LRRC8E: variants seen among roughly 807,000 people sequenced by gnomAD.
LRRC8E encodes the protein volume-regulated anion channel subunit LRRC8E.
In LRRC8E, 6 loss-of-function variants were observed where a neutral mutation model predicts 6.1. The observed-to-expected ratio is 0.98, with a 90% CI of 0.54 to 1.93. The LOEUF (loss-of-function observed/expected upper bound fraction) is 1.93. LRRC8E is among the 30% of genes most tolerant of loss of function. The probability of loss-of-function intolerance (pLI) is 0.01; values close to 1 mark genes in which losing one functional copy is unlikely to be tolerated. For synonymous variants in LRRC8E, 485 were observed against 472.8 expected, an observed-to-expected ratio of 1.03 and a Z score of -0.33; for missense variants, 1,028 against 1,031.4, an observed-to-expected ratio of 1.00 and a Z score of 0.04.
intron 2 of LRRC8E, among the ~76,000 whole-genome samples, chr19:7,898,008 G>C (rs188770128): frequency 1.3e-5 from 2 of 152,008 alleles, no homozygotes; most frequent in South Asian, 4.2e-4. Context: ...CCAGGAGTTC[G>C]AGAGCAGCCT....
Position 7,900,257 on chromosome 19 carries a change from A to G in LRRC8E, c.1735A>G (p.Lys579Glu). The G allele has an allele frequency of 6.2e-7, 1 of 1,613,336 alleles. No homozygotes were observed. Residue 579 changes from lysine (K) to glutamate (E), a missense_variant, in exon 3 of 3, where the codon AAG becomes GAG. By Grantham distance (56) the Lys-to-Glu change is moderately conservative (BLOSUM62 1). Coordinates refer to ENST00000306708, the MANE Select transcript of LRRC8E (RefSeq NM_025061.6). The surrounding 1 kb of genome is among the most constrained non-coding windows in gnomAD (Gnocchi z 5.0). ...CCGTCTGGTTGCCCTGAACAGCCTC[A>G]AGAAGCTGGCGGCATTGCGGGAGCT... Reference protein sequence around the residue: ...GARLVALNSLKKLAALRELEL... With the variant: ...GARLVALNSLEKLAALRELEL...
At chr19:7,889,929 T>G (rs1981217795) in intron 1 of LRRC8E, among the ~76,000 whole-genome samples, 1 of 151,918 alleles carries the variant, frequency 6.6e-6, no homozygotes, top group Non-Finnish European at 1.5e-5. Flanking sequence ...TTTGTATTTT[T>G]AGAGATGGGG....
rs201249805 is a variant in LRRC8E, at chr19:7,899,117, G to A, written c.595G>A (p.Gly199Arg). 5 of 1,613,284 alleles carry A rather than the reference G, an allele frequency of 3.1e-6. No individual in the cohort carries two copies. In the African/African-American group the frequency reaches 5.3e-5, roughly 17 times the overall value. The change falls in exon 3 of 3, where the codon GGG becomes AGG. Residue 199 changes from glycine to arginine, a missense_variant. By Grantham distance (125) the Gly-to-Arg change is moderately radical (BLOSUM62 -2). Coordinates refer to ENST00000306708, the MANE Select transcript of LRRC8E (RefSeq NM_025061.6). ...GGCAGGGACCGGGCCGGGGAAGGCA[G>A]GGGAGGGTGAGAAGGAGAAAGTGCT... ...AMAGTGPGKA[G>R]EGEKEKVLAE...
At position 7,895,042 on chromosome 19, in the gene LRRC8E, C is replaced by G. The variant is rs1299368678; in HGVS notation, c.-5-557C>G. On this transcript the variant is annotated intron_variant, in intron 1 of 2. Transcript: ENST00000306708. This position sits in a 1 kb window ranked among gnomAD's most constrained non-coding sequence, Gnocchi z 4.7. ...GCCCCTGGGGCCCTAGTAACCAGAG[C>G]CAGGCTCCAGCCGGCTTTTCCGGTT... 1.3e-5 allele frequency: 2 copies of G among 152,918 alleles called. No individual in the cohort carries two copies. The highest frequency in any genetic ancestry group is 4.8e-5 in the African/African-American group (2 of 41,478). The allele number at this position is 152,918 out of a possible 1,614,324, so 9.5% of individuals were successfully genotyped here.
Position 7,898,782 on chromosome 19 carries a change from T to G in LRRC8E, c.260T>G (p.Val87Gly), listed in dbSNP as rs779400908. 1 of 1,613,946 alleles carries G rather than the reference T, an allele frequency of 6.2e-7. No individual in the cohort carries two copies. The highest frequency in any genetic ancestry group is 1.7e-5 in the Admixed American group (1 of 59,996). Reference protein sequence around the residue: ...IPEQIGALQEVKGLKNNLDLQ... With the variant: ...IPEQIGALQEGKGLKNNLDLQ... ...GAGCAGATTGGGGCCCTGCAGGAGG[T>G]TAAAGGCCTTAAGAACAATTTGGAC... The change falls in exon 3 of 3, where the codon GTT becomes GGT. Residue 87 changes from valine (V) to glycine (G), a missense_variant. By Grantham distance (109) the Val-to-Gly change is moderately radical. Coordinates refer to ENST00000306708, the MANE Select transcript of LRRC8E (RefSeq NM_025061.6).
In LRRC8E at chr19:7,899,543, G is replaced by C. The variant is rs112674328; in HGVS notation, c.1021G>C (p.Glu341Gln). 1 of 1,613,794 alleles carries C rather than the reference G, an allele frequency of 6.2e-7. No homozygotes were observed. The highest frequency in any genetic ancestry group is 1.3e-5 in the African/African-American group (1 of 74,928). Residue 341 changes from glutamate (E) to glutamine (Q), a missense_variant, in exon 3 of 3, where the codon GAG (glutamate) becomes CAG (glutamine). Physicochemically the swap from Glu to Gln is conservative, Grantham distance 29. Transcript: ENST00000306708. ...CTGGCTCTTCCACCGGCCCCTCAAG[G>C]AGTACTCCTTCCGTTCCGTGCGGGA... ...LYWLFHRPLK[E>Q]YSFRSVREET... is the part of the protein sequence containing the mutation.
At position 7,900,851 on chromosome 19, in the gene LRRC8E, G is replaced by T; in HGVS notation, c.2329G>T (p.Val777Leu). ...CGGLKKAGLL[V>L]EDTLYQGLPA... is the part of the protein sequence containing the mutation. ...GGGGCTCAAGAAGGCGGGGCTCCTG[G>T]TGGAAGACACGCTTTACCAGGGTCT... The change falls in exon 3 of 3, where the codon GTG becomes TTG. Residue 777 changes from valine to leucine, a missense_variant. By Grantham distance (32) the Val-to-Leu change is conservative. Coordinates refer to ENST00000306708, the MANE Select transcript of LRRC8E (RefSeq NM_025061.6). The surrounding 1 kb of genome is among the most constrained non-coding windows in gnomAD (Gnocchi z 5.0). 6.4e-7 allele frequency: 1 copy of T among 1,557,492 alleles called. No individual in the cohort carries two copies. The highest frequency in any genetic ancestry group is 1.4e-5 in the African/African-American group (1 of 72,992).
In LRRC8E at chr19:7,900,157, C is replaced by T. The variant is rs139771650; in HGVS notation, c.1635C>T (p.Asn545=). ...TCAAGGTGTTGTCCCTCCGGAGCAA[C>T]GCCGGGAAGGTGCCAGCCAGTGTGA... ...KQLKVLSLRS[N]AGKVPASVTD... is the part of the protein sequence containing the mutation. The change falls in exon 3 of 3, where the codon AAC becomes AAT. Residue 545 remains asparagine (N), a synonymous_variant. Coordinates refer to ENST00000306708, the MANE Select transcript of LRRC8E (RefSeq NM_025061.6). This position sits in a 1 kb window ranked among gnomAD's most constrained non-coding sequence, Gnocchi z 5.0. 34 of 1,612,890 alleles carry T rather than the reference C, an allele frequency of 2.1e-5. No homozygotes were observed. Among genetic ancestry groups the T allele is most frequent in the South Asian group, 4.4e-5 (4 of 91,080 alleles).
intron 1 of LRRC8E, among the ~76,000 whole-genome samples, chr19:7,894,840 A>G (rs1981493434): frequency 6.6e-6 from 1 of 152,220 alleles, no homozygotes; most frequent in South Asian, 2.1e-4. Context: ...TCACCTGACA[A>G]CTTTCCATTT....
At chr19:7,892,596 C>G (rs483808) in intron 1 of LRRC8E, among the ~76,000 whole-genome samples, 5 of 151,986 alleles carry the variant, frequency 3.3e-5, no homozygotes, top group Non-Finnish European at 7.4e-5. Flanking sequence ...CAAAACAGGA[C>G]GTGAGGGTCC....
Position 7,898,919 on chromosome 19 carries a change from A to C in LRRC8E, c.397A>C (p.Thr133Pro). The change falls in exon 3 of 3, where the codon ACC becomes CCC. Residue 133 changes from threonine (T) to proline (P), a missense_variant. By Grantham distance (38) the Thr-to-Pro change is conservative. Transcript: ENST00000306708. ...VIHTLIFMVC[T>P]SFWFKFPGTS... is the part of the protein sequence containing the mutation. ...TCACACACTCATCTTCATGGTCTGC[A>C]CCAGTTTCTGGTTCAAGTTCCCTGG... 2.5e-6 allele frequency: 4 copies of C among 1,614,164 alleles called. 1 individual carries two copies. The highest frequency in any genetic ancestry group is 3.3e-4 in the Middle Eastern group (2 of 6,062).
In LRRC8E at chr19:7,899,761, C is replaced by T. The variant is rs903532814; in HGVS notation, c.1239C>T (p.Arg413=). The T allele has an allele frequency of 1.9e-6, 3 of 1,611,370 alleles. No homozygotes were observed. The highest frequency in any genetic ancestry group is 1.7e-6 in the Non-Finnish European group (2 of 1,180,024). ...TPEKLRQKLQ[R]NAAGRLELAL... is the part of the protein sequence containing the mutation. ...AGAAGCTTCGACAGAAGCTGCAGCG[C>T]AATGCCGCGGGCCGGCTGGAGCTGG... The change falls in exon 3 of 3, where the codon CGC becomes CGT. Residue 413 remains arginine, a synonymous_variant. Transcript: ENST00000306708.
chr19:7,891,473 T>C (rs773565700), intron 1 of LRRC8E, among the ~76,000 whole-genome samples: 17 of 151,904 alleles, frequency 1.1e-4, no homozygotes, highest in Non-Finnish European at 2.4e-4. Flanking sequence ...GGGATGGCTA[T>C]TGGTGGAGCT....
intron 2 of LRRC8E, among the ~76,000 whole-genome samples, chr19:7,897,319 G>A (rs1005899496): frequency 2.0e-5 from 3 of 151,830 alleles, no homozygotes; most frequent in Non-Finnish European, 2.9e-5. Context: ...ACAGGCGTGT[G>A]CCACCACGCC....
chr19:7,890,640 T>C (rs1483419224), intron 1 of LRRC8E, among the ~76,000 whole-genome samples: 1 of 151,864 alleles, frequency 6.6e-6, no homozygotes, highest in Non-Finnish European at 1.5e-5. Context: ...TTACAAAAAA[T>C]TAGCCGGGCG....
Position 7,900,065 on chromosome 19 carries a change from G to A in LRRC8E, c.1543G>A (p.Glu515Lys), listed in dbSNP as rs372400584. Residue 515 changes from glutamate (E) to lysine (K), a missense_variant, in exon 3 of 3, where the codon GAG becomes AAG. Transcript: ENST00000306708. This position sits in a 1 kb window ranked among gnomAD's most constrained non-coding sequence, Gnocchi z 5.0. Reference protein sequence around the residue: ...GLRGLEELHLEGLFPQELARA... With the variant: ...GLRGLEELHLKGLFPQELARA... Reference sequence around the variant, plus strand: ...GCGGGGCTTGGAGGAGCTGCACCTGGAGGGGCTTTTCCCCCAGGAGCTAGC... The same window carrying A: ...GCGGGGCTTGGAGGAGCTGCACCTGAAGGGGCTTTTCCCCCAGGAGCTAGC... 1.2e-5 allele frequency: 19 copies of A among 1,611,558 alleles called. 1 individual carries two copies. The highest frequency in any genetic ancestry group is 7.7e-5 in the South Asian group (7 of 90,980).
intron 1 of LRRC8E, among the ~76,000 whole-genome samples, chr19:7,894,080 G>A (rs1038373570): frequency 7.2e-5 from 11 of 152,176 alleles, no homozygotes; most frequent in African/African-American, 2.7e-4. Flanking sequence ...AGACATGTCA[G>A]AACCATTGGC....
chr19:7,899,961 T>A lies in LRRC8E; in HGVS notation c.1439T>A (p.Val480Asp). 6.2e-7 allele frequency: 1 copy of A among 1,609,430 alleles called. No individual in the cohort carries two copies. The highest frequency in any genetic ancestry group is 8.5e-7 in the Non-Finnish European group (1 of 1,179,830). The change falls in exon 3 of 3, where the codon GTC (valine) becomes GAC (aspartate). Residue 480 changes from valine (V) to aspartate (D), a missense_variant. Val to Asp is a radical substitution (Grantham distance 152, BLOSUM62 -3). Transcript: ENST00000306708. ...SPARLPFSLQ[V>D]FLRDHLKVMR... is the part of the protein sequence containing the mutation. ...GCCAGGCTACCCTTCTCCTTGCAGG[T>A]CTTCCTGCGGGACCACCTGAAGGTG... is the stretch of plus-strand genomic sequence containing the variant.
Position 7,900,468 on chromosome 19 carries a change from T to G in LRRC8E, c.1946T>G (p.Val649Gly). 1 of 1,612,972 alleles carries G rather than the reference T, an allele frequency of 6.2e-7. No individual in the cohort carries two copies. The highest frequency in any genetic ancestry group is 8.5e-7 in the Non-Finnish European group (1 of 1,180,016). Residue 649 changes from valine to glycine, a missense_variant, in exon 3 of 3, where the codon GTG becomes GGG. Coordinates refer to ENST00000306708, the MANE Select transcript of LRRC8E (RefSeq NM_025061.6). This position sits in a 1 kb window ranked among gnomAD's most constrained non-coding sequence, Gnocchi z 5.0. ...HNQIAYVPEHVRKLRSLEQLY... is the reference protein window; with the variant it reads ...HNQIAYVPEHGRKLRSLEQLY... ...CAGATCGCCTACGTCCCTGAGCACGTGCGGAAGCTCAGGAGCCTGGAGCAG... is the reference window on the plus strand; with the variant it reads ...CAGATCGCCTACGTCCCTGAGCACGGGCGGAAGCTCAGGAGCCTGGAGCAG...
Sources: gnomAD v4.1 joint callset for allele counts (sites outside exome capture counted in the v4.1 genomes callset) on GRCh38, gnomAD v4.1.1 for gene constraint, Gnocchi (gnomAD v3.1) non-coding constraint, MANE v1.5 for transcripts, NCBI Gene and HGNC (gene_info 2026-07-23, HGNC 2026-07-21) for gene names.